RTN4IP1: variants seen among roughly 807,000 people sequenced by gnomAD.
The protein encoded by RTN4IP1 is NAD(P)H oxidoreductase RTN4IP1, mitochondrial.
In RTN4IP1, 32 loss-of-function variants were observed where a neutral mutation model predicts 46.6. The ratio of observed to expected loss-of-function variants is 0.69; its 90% CI spans 0.52 to 0.92. The LOEUF is 0.92. Ranked by LOEUF, RTN4IP1 falls within the 40% of genes least tolerant of loss-of-function variation. The pLI, the probability that RTN4IP1 is intolerant of heterozygous loss-of-function variation, is 0.00. For synonymous variants in RTN4IP1, 167 were observed against 161.8 expected, an observed-to-expected ratio of 1.03 and a Z score of -0.24; for missense variants, 424 against 485.8, an observed-to-expected ratio of 0.87 and a Z score of 1.20.
At chr6:106,601,338 G>A (rs1225243178) in intron 5 of RTN4IP1, among the ~76,000 whole-genome samples, 1 of 151,782 alleles carries the variant, frequency 6.6e-6, no homozygotes, top group African/African-American at 2.4e-5. Context: ...AAATGATATG[G>A]AAATATTTTC....
At chr6:106,573,657 G>C (rs1775142472) in intron 8 of RTN4IP1, among the ~76,000 whole-genome samples, 1 of 152,220 alleles carries the variant, frequency 6.6e-6, no homozygotes, top group African/African-American at 2.4e-5. Flanking sequence ...TCAAGGAACA[G>C]AGTTAAATAA....
At chr6:106,613,588 C>T (rs1442478434) in intron 4 of RTN4IP1, among the ~76,000 whole-genome samples, 1 of 152,132 alleles carries the variant, frequency 6.6e-6, no homozygotes, top group Non-Finnish European at 1.5e-5. Context: ...CGTGAAATGC[C>T]TTGAAATCTG....
chr6:106,626,728 T>C (rs562345707), intron 1 of RTN4IP1, among the ~76,000 whole-genome samples: 1 of 152,234 alleles, frequency 6.6e-6, no homozygotes, highest in East Asian at 1.9e-4. Context: ...GATGACTGAA[T>C]GGGGCCCTTA....
In RTN4IP1 at chr6:106,629,183, T is replaced by C. The variant is rs939295960; in HGVS notation, c.-162A>G. ...AATGAAGCTAATCTAATGGAGAAAC[T>C]GAAAGAAGAATACGGAACTGTTATT... On this transcript the variant is annotated 5_prime_UTR_variant, in exon 1 of 9. Transcript: ENST00000369063. The C allele has an allele frequency of 4.2e-5, 27 of 637,416 alleles. No individual in the cohort carries two copies. Among genetic ancestry groups the C allele is most frequent in the Non-Finnish European group, 6.5e-5 (24 of 371,640 alleles). The allele number at this position is 637,416 out of a possible 1,614,324, so 39.5% of individuals were successfully genotyped here. A position where few individuals can be genotyped will look rare whatever the true frequency, so the allele number is the denominator to read the frequency against.
intron 4 of RTN4IP1, among the ~76,000 whole-genome samples, chr6:106,610,067 ATT>A (rs60667504): frequency 1.3e-4 from 19 of 149,066 alleles, no homozygotes; most frequent in African/African-American, 4.7e-4. Context: ...GGCAAAATAA[ATT>A]TTTTTTTTTT....
At chr6:106,595,654 C>T (rs1436827987) in intron 5 of RTN4IP1, among the ~76,000 whole-genome samples, 1 of 152,068 alleles carries the variant, frequency 6.6e-6, no homozygotes, top group East Asian at 1.9e-4. Flanking sequence ...CCCACCACCA[C>T]GCCCGGCTAA....
chr6:106,621,744 A>T (rs181270248), intron 2 of RTN4IP1, among the ~76,000 whole-genome samples: 43 of 152,202 alleles, frequency 2.8e-4, no homozygotes, highest in South Asian at 8.3e-4. Context: ...TCGAGTCCCA[A>T]TAAGACCACA....
intron 7 of RTN4IP1, among the ~76,000 whole-genome samples, chr6:106,586,440 T>G (rs1330707498): frequency 6.6e-6 from 1 of 151,910 alleles, no homozygotes; most frequent in Non-Finnish European, 1.5e-5. Flanking sequence ...AGTGGCACGA[T>G]CATGGCTCAC....
At chr6:106,612,766 C>T (rs1776258804) in intron 4 of RTN4IP1, among the ~76,000 whole-genome samples, 1 of 152,054 alleles carries the variant, frequency 6.6e-6, no homozygotes, top group Admixed American at 6.6e-5. Flanking sequence ...CCCTGACTCC[C>T]GCCAAAGCAC....
intron 5 of RTN4IP1, among the ~76,000 whole-genome samples, chr6:106,602,180 G>C (rs1775964459): frequency 6.6e-6 from 1 of 152,084 alleles, no homozygotes; most frequent in Admixed American, 6.5e-5. Context: ...GCAAGTGTGA[G>C]TCCTCCAACT....
At position 106,629,228 on chromosome 6, in the gene RTN4IP1, T is replaced by C; in HGVS notation, c.-207A>G. 1 of 589,092 alleles carries C rather than the reference T, an allele frequency of 1.7e-6. No homozygotes were observed. Among genetic ancestry groups the C allele is most frequent in the Non-Finnish European group, 3.0e-6 (1 of 333,254 alleles). 36.5% of individuals were successfully genotyped at this position (589,092 alleles called of 1,614,324 possible). ...GTTATTCCGCTCTTCGCATATGAAATGCTCGAATTAACGTTCCAGTCAGTA... is the reference window on the plus strand; with the variant it reads ...GTTATTCCGCTCTTCGCATATGAAACGCTCGAATTAACGTTCCAGTCAGTA... On this transcript the variant is annotated 5_prime_UTR_variant, in exon 1 of 9. Transcript: ENST00000369063.
rs199593430 is a variant in RTN4IP1 at position 106,594,491 on chromosome 6, C to G, written c.670-2191G>C. Reference sequence around the variant, plus strand: ...TACCACTGCACTCCAGCCTGGGTGACAGAGTGAGATTCTGTCTCAAAAAAC... The same window carrying G: ...TACCACTGCACTCCAGCCTGGGTGAGAGAGTGAGATTCTGTCTCAAAAAAC... On this transcript the variant is annotated intron_variant, in intron 5 of 8. Coordinates refer to ENST00000369063, the MANE Select transcript of RTN4IP1 (RefSeq NM_032730.5). 3.3e-5 allele frequency among the ~76,000 whole-genome samples: 5 copies of G among 151,830 alleles called. No homozygotes were observed. The East Asian group carries it at 9.7e-4, about 29-fold the overall frequency.
At chr6:106,593,990 C>T (rs1470793583) in intron 5 of RTN4IP1, among the ~76,000 whole-genome samples, 1 of 152,098 alleles carries the variant, frequency 6.6e-6, no homozygotes. Context: ...TTCTAAGCAC[C>T]CACATTTAAT....
chr6:106,574,789 C>G (rs1261308807), intron 8 of RTN4IP1, among the ~76,000 whole-genome samples: 1 of 152,192 alleles, frequency 6.6e-6, no homozygotes, highest in Non-Finnish European at 1.5e-5. Context: ...TAAACCAAAA[C>G]CGGCTGAACT....
intron 5 of RTN4IP1, among the ~76,000 whole-genome samples, chr6:106,595,954 T>C (rs931149418): frequency 3.3e-5 from 5 of 152,230 alleles, no homozygotes; most frequent in African/African-American, 1.2e-4. Context: ...CCCTATCAAA[T>C]TCCAAAAGTG....
rs1232145318 is a variant in RTN4IP1 at position 106,592,176 on chromosome 6, T to G, written c.794A>C (p.Lys265Thr). 3 of 1,613,884 alleles carry G rather than the reference T, an allele frequency of 1.9e-6. No individual in the cohort carries two copies. The highest frequency in any genetic ancestry group is 2.7e-5 in the African/African-American group (2 of 74,898). The change falls in exon 6 of 9, where the codon AAA becomes ACA. Residue 265 changes from lysine to threonine, a missense_variant. Lys to Thr is a moderately conservative substitution (Grantham distance 78). Coordinates refer to ENST00000369063, the MANE Select transcript of RTN4IP1 (RefSeq NM_032730.5). ...TTCTAATACATACGGTTTTAAGGAT[T>G]TCAACTGCTCTTCCACACTTCCAGA... ...YKSGSVEEQL[K>T]SLKPFDFILD...
intron 8 of RTN4IP1, among the ~76,000 whole-genome samples, chr6:106,579,953 G>A (rs1030005788): frequency 6.6e-6 from 1 of 151,726 alleles, no homozygotes; most frequent in Admixed American, 6.6e-5. Flanking sequence ...AGTGGCTCAC[G>A]CCTGTAATCC....
chr6:106,629,991 G>A (rs1340247450), upstream of RTN4IP1, among the ~76,000 whole-genome samples: 1 of 151,056 alleles, frequency 6.6e-6, no homozygotes, highest in Non-Finnish European at 1.5e-5. Context: ...GGATGGTCTC[G>A]GAGTGGGCTT....
In RTN4IP1 at chr6:106,598,351, G is replaced by A. The variant is rs1302636937; in HGVS notation, c.669+4523C>T. 1.5e-4 allele frequency among the ~76,000 whole-genome samples: 23 copies of A among 152,020 alleles called. No homozygotes were observed. In the East Asian group the frequency reaches 4.4e-3, roughly 29 times the overall value. ...TTCCTATTTCTCCACATCTTCTCCA[G>A]CACCTGTTGTTTCCTGACTTTTTAA... On this transcript the variant is annotated intron_variant, in intron 5 of 8. Coordinates refer to ENST00000369063, the MANE Select transcript of RTN4IP1 (RefSeq NM_032730.5).
Sources: allele counts gnomAD v4.1 joint callset (sites outside exome capture counted in the v4.1 genomes callset), GRCh38; gene constraint gnomAD v4.1.1; transcripts MANE v1.5; gene names NCBI Gene and HGNC (gene_info 2026-07-23, HGNC 2026-07-21).